The following SIPA1L1 variants were observed in gnomAD, a reference collection of about 807,000 sequenced individuals.
The protein encoded by SIPA1L1 is signal induced proliferation associated 1 like 1, also known as signal-induced proliferation-associated 1-like protein 1.
Under a neutral mutation model 162.7 loss-of-function variants are expected in SIPA1L1, and 26 were observed. The observed-to-expected ratio is 0.16, with a 90% CI of 0.12 to 0.22. SIPA1L1 has a LOEUF of 0.22. Ranked by LOEUF, SIPA1L1 falls within the 10% of genes least tolerant of loss-of-function variation. The probability of loss-of-function intolerance (pLI) is 1.00; values close to 1 mark genes in which losing one functional copy is unlikely to be tolerated. For missense variants in SIPA1L1, 1,874 were observed against 2,241.0 expected, an observed-to-expected ratio of 0.84 and a Z score of 3.31; for synonymous variants, 829 against 837.4, an observed-to-expected ratio of 0.99 and a Z score of 0.17.
intron 14 of SIPA1L1, among the ~76,000 whole-genome samples, chr14:71,701,126 G>C (rs182972960): frequency 6.7e-6 from 1 of 149,914 alleles, no homozygotes; most frequent in African/African-American, 2.5e-5. Flanking sequence ...TGGAATTGCC[G>C]TTTTACACAT....
At chr14:71,714,645 C>T (rs1214826236) in intron 17 of SIPA1L1, among the ~76,000 whole-genome samples, 1 of 152,034 alleles carries the variant, frequency 6.6e-6, no homozygotes, top group Non-Finnish European at 1.5e-5. Context: ...TCAGTGGTGG[C>T]CCTGCAGCTC....
At chr14:71,719,322 A>T (rs1440294619) in intron 17 of SIPA1L1, among the ~76,000 whole-genome samples, 1 of 152,154 alleles carries the variant, frequency 6.6e-6, no homozygotes, top group Non-Finnish European at 1.5e-5. Context: ...TATCCATGTC[A>T]AGAATATACA....
intron 4 of SIPA1L1, among the ~76,000 whole-genome samples, chr14:71,539,315 A>G (rs2054174451): frequency 1.3e-5 from 2 of 152,226 alleles, no homozygotes; most frequent in African/African-American, 4.8e-5. Flanking sequence ...GGCCTAGTGT[A>G]AATATTCTCT....
At chr14:71,595,690 C>G (rs1437672908) in intron 5 of SIPA1L1, among the ~76,000 whole-genome samples, 1 of 152,186 alleles carries the variant, frequency 6.6e-6, no homozygotes, top group Non-Finnish European at 1.5e-5. Context: ...TGCCTCTACC[C>G]AGATGGCTAC....
chr14:71,481,148 T>G (rs1463175508), intron 2 of SIPA1L1, among the ~76,000 whole-genome samples: 1 of 152,198 alleles, frequency 6.6e-6, no homozygotes, highest in African/African-American at 2.4e-5. Flanking sequence ...GTTTTCATTC[T>G]GAACCCCTTG....
At chr14:71,640,980 A>G (rs1247797764) in intron 7 of SIPA1L1, among the ~76,000 whole-genome samples, 11 of 152,224 alleles carry the variant, frequency 7.2e-5, no homozygotes, top group Non-Finnish European at 1.5e-5. Context: ...TTAAAAGTAG[A>G]TATGTTTAAG....
At chr14:71,692,892 G>A (rs1490018103) in intron 13 of SIPA1L1, among the ~76,000 whole-genome samples, 1 of 152,142 alleles carries the variant, frequency 6.6e-6, no homozygotes, top group African/African-American at 2.4e-5. Context: ...AGGCTGTGCT[G>A]TCCAGGGGCC....
chr14:71,590,029 AAAAAAAAAAAAAAAAATATATATATAT>A (rs1313393110), intron 5 of SIPA1L1, among the ~76,000 whole-genome samples: 2 of 61,056 alleles, frequency 3.3e-5, no homozygotes, highest in Non-Finnish European at 5.9e-5. Flanking sequence ...AGTAAAAAAA[AAAAAAAAAAAAAAAAATATATATATAT>A]ATATATATAT....
At chr14:71,623,986 G>A (rs1052327762) in intron 6 of SIPA1L1, 62 bp from the exon 7 acceptor site, 46 of 1,420,302 alleles carry the variant, frequency 3.2e-5, no homozygotes, top group African/African-American at 1.1e-4. Context: ...TGCAGTGCAT[G>A]TACATGTGTT....
intron 5 of SIPA1L1, among the ~76,000 whole-genome samples, chr14:71,593,187 T>C (rs2147774239): frequency 7.2e-6 from 1 of 139,572 alleles, no homozygotes; most frequent in Middle Eastern, 3.5e-3. Context: ...ATGTGTTTTG[T>C]GTTATTTATT....
chr14:71,708,029 G>GGTTTTTTTTTTTTTTT (rs2082594052), intron 16 of SIPA1L1, among the ~76,000 whole-genome samples: 1 of 82,088 alleles, frequency 1.2e-5, no homozygotes, highest in Non-Finnish European at 2.1e-5. Context: ...TTTTTTTTTT[G>GGTTTTTTTTTTTTTTT]TTTTTTTTTT....
chr14:71,358,003 C>CCATA (rs2037439308), intron 2 of SIPA1L1, among the ~76,000 whole-genome samples: 1 of 152,078 alleles, frequency 6.6e-6, no homozygotes, highest in South Asian at 2.1e-4. Flanking sequence ...AAGTACTGGG[C>CCATA]CATAAGCCAG....
intron 2 of SIPA1L1, among the ~76,000 whole-genome samples, chr14:71,371,661 A>G (rs190661237): frequency 6.6e-6 from 1 of 152,238 alleles, no homozygotes; most frequent in Admixed American, 6.5e-5. Context: ...CTGCCTCCCA[A>G]AGTGCTGGGA....
intron 7 of SIPA1L1, among the ~76,000 whole-genome samples, chr14:71,625,632 G>T (rs961140429): frequency 1.3e-5 from 2 of 152,146 alleles, no homozygotes; most frequent in African/African-American, 4.8e-5. Context: ...ACATATAAAC[G>T]TAACTATTTT....
At chr14:71,390,015 T>A (rs1014329549) in intron 2 of SIPA1L1, among the ~76,000 whole-genome samples, 1 of 152,234 alleles carries the variant, frequency 6.6e-6, no homozygotes, top group African/African-American at 2.4e-5. Flanking sequence ...AGAGAGTAAA[T>A]GCAATTTATG....
At chr14:71,552,005 C>T (rs1221870330) in intron 4 of SIPA1L1, among the ~76,000 whole-genome samples, 1 of 152,210 alleles carries the variant, frequency 6.6e-6, no homozygotes, top group East Asian at 1.9e-4. Flanking sequence ...CATGGCACTT[C>T]TAGCCATCTG....
chr14:71,351,511 T>C (rs921636216), intron 2 of SIPA1L1, among the ~76,000 whole-genome samples: 3 of 152,342 alleles, frequency 2.0e-5, no homozygotes, highest in East Asian at 1.9e-4. Flanking sequence ...AGGGTGGATA[T>C]GACTGAGAGA....
intron 2 of SIPA1L1, among the ~76,000 whole-genome samples, chr14:71,476,730 T>G (rs2047894697): frequency 1.3e-5 from 2 of 151,788 alleles, no homozygotes; most frequent in African/African-American, 4.8e-5. Context: ...CAGGCTGGAG[T>G]GCAGTGGTGT....
chr14:71,379,046 C>T (rs942024123), intron 2 of SIPA1L1, among the ~76,000 whole-genome samples: 3 of 152,176 alleles, frequency 2.0e-5, no homozygotes, highest in East Asian at 3.9e-4. Flanking sequence ...GTTTCTTAGC[C>T]GTTCTGAAGT....
Sources: allele counts gnomAD v4.1 joint callset (sites outside exome capture counted in the v4.1 genomes callset), GRCh38; gene constraint gnomAD v4.1.1; transcripts MANE v1.5; gene names NCBI Gene and HGNC (gene_info 2026-07-23, HGNC 2026-07-21).